NSUN4: variants seen among roughly 807,000 people sequenced by gnomAD.
The protein encoded by NSUN4 is 5-cytosine rRNA methyltransferase NSUN4.
Under a neutral mutation model 43.8 loss-of-function variants are expected in NSUN4, and 31 were observed. The observed-to-expected ratio is 0.71, with a 90% CI of 0.53 to 0.96. NSUN4 has a LOEUF of 0.96. Ranked by LOEUF, NSUN4 falls within the 40% of genes least tolerant of loss-of-function variation. NSUN4 has a pLI of 0.00. For synonymous variants in NSUN4, 167 were observed against 184.1 expected, an observed-to-expected ratio of 0.91 and a Z score of 0.75; for missense variants, 439 against 475.6, an observed-to-expected ratio of 0.92 and a Z score of 0.72.
chr1:46,375,435 C>CAAAA, the NSUN4 span, among the ~76,000 whole-genome samples: 1 of 119,746 alleles, frequency 8.4e-6, no homozygotes, highest in Non-Finnish European at 1.7e-5. Flanking sequence ...AACTCGTTCT[C>CAAAA]AAAAAAAAAA....
chr1:46,352,226 G>A (rs1010488057), intron 3 of NSUN4, among the ~76,000 whole-genome samples: 1 of 151,370 alleles, frequency 6.6e-6, no homozygotes, highest in Non-Finnish European at 1.5e-5. Context: ...CAAGGCAGGC[G>A]GGATCACCTG....
intron 1 of NSUN4, chr1:46,341,686 T>G: frequency 8.1e-7 from 1 of 1,230,244 alleles, no homozygotes; most frequent in Middle Eastern, 3.1e-4. Flanking sequence ...AGATGGTCTT[T>G]TGAGTCCTCT....
rs539786398 is a variant in NSUN4, at chr1:46,363,652, A to G, written c.*1806A>G. The stretch of plus-strand genomic sequence containing the variant: ...CATACATGTACACCAGGAGATGTGT[A>G]CAAGAATATTCATAGCAACCCTATT... On this transcript the variant is annotated 3_prime_UTR_variant, in exon 6 of 6. Transcript: ENST00000474844. 6.5e-6 allele frequency: 1 copy of G among 152,748 alleles called. No homozygotes were observed. Among genetic ancestry groups the G allele is most frequent in the African/African-American group, 2.4e-5 (1 of 41,584 alleles). 9.5% of individuals were successfully genotyped at this position (152,748 alleles called of 1,614,324 possible). A position where few individuals can be genotyped will look rare whatever the true frequency, so the allele number is the denominator to read the frequency against.
chr1:46,376,090 C>T, the NSUN4 span, among the ~76,000 whole-genome samples: 1 of 56,030 alleles, frequency 1.8e-5, no homozygotes, highest in African/African-American at 6.9e-5. Flanking sequence ...GCAACAAGAG[C>T]GAAACTAAAA....
At position 46,346,137 on chromosome 1, in the gene NSUN4, C is replaced by T. The variant is rs564226327; in HGVS notation, c.438-784C>T. Among the ~76,000 whole-genome samples, 62 of 127,104 alleles carry T rather than the reference C, an allele frequency of 4.9e-4. No individual in the cohort carries two copies. The South Asian group carries it at 0.014, about 29-fold the overall frequency. The allele number at this position is 127,104 out of a possible 152,430, so 83.4% of individuals were successfully genotyped here. ...CCGTACTCCAGTCTGGGCGACAGAG[C>T]GAGACTCTGTCTCAAAAAAAAAAAA... On this transcript the variant is annotated intron_variant, in intron 2 of 5. Coordinates refer to ENST00000474844, the MANE Select transcript of NSUN4 (RefSeq NM_199044.4).
intron 3 of NSUN4, among the ~76,000 whole-genome samples, chr1:46,352,541 C>G (rs72677590): frequency 0.24 from 33,163 of 137,458 alleles, 4,142 homozygotes; most frequent in Non-Finnish European, 0.3. Context: ...AGAAGAAAGG[C>G]GAAAGTAATG....
At position 46,360,507 on chromosome 1, in the gene NSUN4, A is replaced by C. The variant is rs146069452; in HGVS notation, c.754-197A>C. On this transcript the variant is annotated intron_variant, in intron 4 of 5. Coordinates refer to ENST00000474844, the MANE Select transcript of NSUN4 (RefSeq NM_199044.4). ...TTTTTGACCAGCCATGAATATTCCC[A>C]AATATACTATTTTCCACTCATTATT... 1.3e-3 allele frequency among the ~76,000 whole-genome samples: 192 copies of C among 152,020 alleles called. 2 individuals are homozygous for C. The highest frequency in any genetic ancestry group is 4.0e-3 in the African/African-American group (167 of 41,474).
At chr1:46,370,543 TC>T in the NSUN4 span, 4 of 137,884 alleles carry the variant, frequency 2.9e-5, no homozygotes, top group African/African-American at 1.1e-4. Flanking sequence ...AGAGGTGCTG[TC>T]TTTTTTTTTT....
At chr1:46,371,197 T>G in the NSUN4 span, among the ~76,000 whole-genome samples, 5 of 151,110 alleles carry the variant, frequency 3.3e-5, no homozygotes, top group Non-Finnish European at 7.4e-5. Flanking sequence ...AGTGCAGTGG[T>G]CTGATCGTGG....
At chr1:46,341,821 G>A (rs1246856969) in intron 1 of NSUN4, 29 of 1,232,658 alleles carry the variant, frequency 2.4e-5, no homozygotes, top group Non-Finnish European at 2.9e-5. Flanking sequence ...ACACCTTATT[G>A]CAGCTGGATG....
chr1:46,372,422 C>A, the NSUN4 span, among the ~76,000 whole-genome samples: 2 of 152,008 alleles, frequency 1.3e-5, no homozygotes, highest in Non-Finnish European at 2.9e-5. Context: ...GGGTTACAGG[C>A]GTGAGCCACT....
At chr1:46,378,143 C>T in the NSUN4 span, among the ~76,000 whole-genome samples, 2 of 151,924 alleles carry the variant, frequency 1.3e-5, no homozygotes, top group Non-Finnish European at 1.5e-5. Flanking sequence ...AGTAGATCCT[C>T]GGCCTCCCAA....
intron 4 of NSUN4, among the ~76,000 whole-genome samples, chr1:46,356,014 CAA>C (rs56024628): frequency 2.4e-5 from 3 of 123,710 alleles, no homozygotes; most frequent in Admixed American, 1.7e-4. Context: ...GACTTTGTCT[CAA>C]AAAAAAAAAA....
rs182558707 is a variant in NSUN4, at chr1:46,358,431, C to A, written c.754-2273C>A. Among the ~76,000 whole-genome samples, 38 of 106,226 alleles carry A rather than the reference C, an allele frequency of 3.6e-4. No individual in the cohort carries two copies. In the East Asian group the frequency reaches 8.0e-3, roughly 22 times the overall value. The allele number at this position is 106,226 out of a possible 152,430, so 69.7% of individuals were successfully genotyped here. ...TTTTTTTTTTTTTTTGAGATGGAGTCTCACTCTGTTGCCAGGCTGGAGTGC... is the reference window on the plus strand; with the variant it reads ...TTTTTTTTTTTTTTTGAGATGGAGTATCACTCTGTTGCCAGGCTGGAGTGC... On this transcript the variant is annotated intron_variant, in intron 4 of 5. Coordinates refer to ENST00000474844, the MANE Select transcript of NSUN4 (RefSeq NM_199044.4).
chr1:46,349,557 G>C (rs555079546), intron 3 of NSUN4, among the ~76,000 whole-genome samples: 12 of 152,292 alleles, frequency 7.9e-5, no homozygotes, highest in Non-Finnish European at 1.5e-4. Flanking sequence ...ACCTAACCTG[G>C]AGCTCAGCCA....
At chr1:46,381,997 T>C in the NSUN4 span, among the ~76,000 whole-genome samples, 1 of 152,232 alleles carries the variant, frequency 6.6e-6, no homozygotes, top group East Asian at 1.9e-4. Context: ...CTCAAGAGCC[T>C]GACTCAAGGC....
Position 46,360,688 on chromosome 1 carries a change from T to G in NSUN4, c.754-16T>G. 6.2e-7 allele frequency: 1 copy of G among 1,613,308 alleles called. No individual in the cohort carries two copies. Among genetic ancestry groups the G allele is most frequent in the Non-Finnish European group, 8.5e-7 (1 of 1,179,458 alleles). The stretch of plus-strand genomic sequence containing the variant: ...ATAAGGATCTTTAATACTTTACCCT[T>G]TAACACTCTGGGTAGGTGCTGGTGG... On this transcript the variant is annotated splice_polypyrimidine_tract_variant and intron_variant, in intron 4 of 5. Coordinates refer to ENST00000474844, the MANE Select transcript of NSUN4 (RefSeq NM_199044.4).
At chr1:46,370,871 A>G in the NSUN4 span, 29 of 152,664 alleles carry the variant, frequency 1.9e-4, no homozygotes, top group Non-Finnish European at 3.1e-4. Flanking sequence ...AGACAGATCA[A>G]GTTCATGGTG....
At chr1:46,352,028 A>G (rs927332298) in intron 3 of NSUN4, among the ~76,000 whole-genome samples, 2 of 151,252 alleles carry the variant, frequency 1.3e-5, no homozygotes, top group African/African-American at 2.4e-5. Context: ...AGGTATCGCT[A>G]TGTTGCCCAG....
Sources: gnomAD v4.1 joint callset for allele counts (sites outside exome capture counted in the v4.1 genomes callset) on GRCh38, gnomAD v4.1.1 for gene constraint, MANE v1.5 for transcripts, NCBI Gene and HGNC (gene_info 2026-07-23, HGNC 2026-07-21) for gene names.